The following RBFOX3 variants were observed in gnomAD, a reference collection of about 807,000 sequenced individuals.
RBFOX3 encodes the protein RNA binding fox-1 homolog 3.
A neutral mutation model predicts 48.7 loss-of-function variants in RBFOX3; 17 were observed. That is an observed-to-expected ratio of 0.35 (90% CI 0.24 to 0.52). The LOEUF is 0.52. Ranked by LOEUF, RBFOX3 falls within the 20% of genes least tolerant of loss-of-function variation. The pLI is 0.94. For synonymous variants in RBFOX3, 212 were observed against 209.5 expected, an observed-to-expected ratio of 1.01 and a Z score of -0.10; for missense variants, 382 against 497.5, an observed-to-expected ratio of 0.77 and a Z score of 2.21.
At chr17:79,292,763 C>T (rs1239522406) in intron 3 of RBFOX3, among the ~76,000 whole-genome samples, 2 of 152,182 alleles carry the variant, frequency 1.3e-5, no homozygotes, top group Admixed American at 6.5e-5. Flanking sequence ...TCAATTCTGC[C>T]GCTAGAGACC....
intron 4 of RBFOX3, among the ~76,000 whole-genome samples, chr17:79,210,112 G>A (rs943819056): frequency 6.6e-6 from 1 of 152,210 alleles, no homozygotes; most frequent in African/African-American, 2.4e-5. Context: ...GCCCTGGCTA[G>A]ATAACCTCTG....
chr17:79,396,368 T>C (rs915737783), intron 2 of RBFOX3, among the ~76,000 whole-genome samples: 8 of 152,164 alleles, frequency 5.3e-5, no homozygotes, highest in Non-Finnish European at 1.0e-4. Flanking sequence ...GACTCTTGCT[T>C]CTCTCCCTGC....
At chr17:79,618,116 G>T in the RBFOX3 span, among the ~76,000 whole-genome samples, 2 of 152,152 alleles carry the variant, frequency 1.3e-5, no homozygotes, top group African/African-American at 2.4e-5. Flanking sequence ...GGTAGTTCAG[G>T]GTCCCACGTC....
chr17:79,332,257 T>C (rs1425416697), intron 2 of RBFOX3, among the ~76,000 whole-genome samples: 1 of 152,224 alleles, frequency 6.6e-6, no homozygotes, highest in Non-Finnish European at 1.5e-5. Context: ...GACTGGAATT[T>C]GAGCCCTGGG....
At chr17:79,234,288 T>A (rs970627473) in intron 4 of RBFOX3, 1 of 152,290 alleles carries the variant, frequency 6.6e-6, no homozygotes, top group African/African-American at 2.4e-5. Context: ...CAGCCCTGAG[T>A]GGCTCCGAGG....
In RBFOX3 at chr17:79,480,001, G is replaced by GTGT. The variant is rs1472141103; in HGVS notation, c.-175+2452_-175+2453insACA. Among the ~76,000 whole-genome samples, 1 of 152,144 alleles carries GTGT rather than the reference G, an allele frequency of 6.6e-6. No homozygotes were observed. Among genetic ancestry groups the GTGT allele is most frequent in the Non-Finnish European group, 1.5e-5 (1 of 68,026 alleles). On this transcript the variant is annotated intron_variant, in intron 2 of 14. Coordinates refer to ENST00000693108, the MANE Select transcript of RBFOX3 (RefSeq NM_001350451.2). The surrounding 1 kb of genome is among the most constrained non-coding windows in gnomAD (Gnocchi z 4.8). ...CTCGTGCCCTATACTCATTTTCTCA[G>GTGT]ACAGCCTGCAAGCACAGTGATCTTG...
the RBFOX3 span, among the ~76,000 whole-genome samples, chr17:79,665,324 T>C: frequency 2.0e-5 from 3 of 150,952 alleles, no homozygotes; most frequent in African/African-American, 7.2e-5. Context: ...ACACAAACTT[T>C]TATCATTTCA....
chr17:79,404,416 G>A (rs943073641), intron 2 of RBFOX3, among the ~76,000 whole-genome samples: 4 of 152,218 alleles, frequency 2.6e-5, no homozygotes, highest in African/African-American at 9.6e-5. Flanking sequence ...CCCAGCCCGC[G>A]GGCACCCCAG....
intron 3 of RBFOX3, among the ~76,000 whole-genome samples, chr17:79,296,049 C>G (rs1175602841): frequency 5.3e-5 from 8 of 150,928 alleles, no homozygotes; most frequent in Admixed American, 5.3e-4. Flanking sequence ...GGAGGGGTGT[C>G]AAGAAGGGGA....
At chr17:79,193,121 C>T (rs1290377030) in intron 4 of RBFOX3, among the ~76,000 whole-genome samples, 3 of 152,028 alleles carry the variant, frequency 2.0e-5, no homozygotes, top group South Asian at 2.1e-4. Context: ...TTCACTTGCT[C>T]GGTGGGGGCA....
At chr17:79,191,937 C>T (rs1246143676) in intron 4 of RBFOX3, among the ~76,000 whole-genome samples, 1 of 152,148 alleles carries the variant, frequency 6.6e-6, no homozygotes, top group Non-Finnish European at 1.5e-5. Flanking sequence ...GCCCGGTGAG[C>T]AGAGATGGGG....
chr17:79,587,065 C>T (rs2093271935), intron 1 of RBFOX3, among the ~76,000 whole-genome samples: 1 of 152,182 alleles, frequency 6.6e-6, no homozygotes, highest in African/African-American at 2.4e-5. Flanking sequence ...GAAATTGACT[C>T]AATAACTGGC....
intron 4 of RBFOX3, among the ~76,000 whole-genome samples, chr17:79,229,671 G>A (rs534451669): frequency 6.6e-6 from 1 of 152,152 alleles, no homozygotes; most frequent in Non-Finnish European, 1.5e-5. Context: ...ATGAGGAGGT[G>A]GGGATGGGAA....
intron 3 of RBFOX3, among the ~76,000 whole-genome samples, chr17:79,301,418 G>A (rs767513134): frequency 2.0e-5 from 3 of 152,198 alleles, no homozygotes; most frequent in Non-Finnish European, 2.9e-5. Flanking sequence ...CTGCCTTGGT[G>A]GCATGTGTGT....
At chr17:79,401,696 G>A (rs528131924) in intron 2 of RBFOX3, among the ~76,000 whole-genome samples, 178 of 152,316 alleles carry the variant, frequency 1.2e-3, no homozygotes, top group Middle Eastern at 0.01. Flanking sequence ...GCTCCGTGAC[G>A]GGTCTGTAAG....
intron 1 of RBFOX3, among the ~76,000 whole-genome samples, chr17:79,528,492 T>C (rs2087153856): frequency 6.6e-6 from 1 of 152,086 alleles, no homozygotes; most frequent in South Asian, 2.1e-4. Flanking sequence ...ACCTCTGAGG[T>C]ACCTCTGAGG....
intron 3 of RBFOX3, among the ~76,000 whole-genome samples, chr17:79,245,793 AATT>A (rs1177027888): frequency 6.6e-6 from 1 of 151,806 alleles, no homozygotes; most frequent in Admixed American, 6.6e-5. Flanking sequence ...ATGACTGGCT[AATT>A]TTTGTATTTT....
At chr17:79,558,746 G>GGAGGCTGCGT (rs1251270507) in intron 1 of RBFOX3, among the ~76,000 whole-genome samples, 1 of 152,198 alleles carries the variant, frequency 6.6e-6, no homozygotes, top group Non-Finnish European at 1.5e-5. Context: ...CACAGTGCGC[G>GGAGGCTGCGT]GAGGCTGCGT....
intron 2 of RBFOX3, among the ~76,000 whole-genome samples, chr17:79,377,458 C>T (rs970466065): frequency 2.0e-5 from 3 of 152,190 alleles, no homozygotes; most frequent in African/African-American, 7.2e-5. Context: ...CGTGGGCATG[C>T]GCACGCACAC....
Sources: allele counts gnomAD v4.1 joint callset (sites outside exome capture counted in the v4.1 genomes callset), GRCh38; gene constraint gnomAD v4.1.1; non-coding constraint Gnocchi (gnomAD v3.1); transcripts MANE v1.5; gene names NCBI Gene and HGNC (gene_info 2026-07-23, HGNC 2026-07-21).